NIPSNAP3A: variants seen among roughly 807,000 people sequenced by gnomAD.
NIPSNAP3A encodes nipsnap homolog 3A.
In NIPSNAP3A, 27 loss-of-function variants were observed where a neutral mutation model predicts 32.3. The observed-to-expected ratio is 0.84, with a 90% CI of 0.62 to 1.15. NIPSNAP3A has a LOEUF of 1.15. NIPSNAP3A is among the 50% of genes most tolerant of loss of function. The pLI, the probability that NIPSNAP3A is intolerant of heterozygous loss-of-function variation, is 0.00. For synonymous variants in NIPSNAP3A, 108 were observed against 107.3 expected (o/e 1.01, Z -0.04); for missense variants, 278 against 297.2 (o/e 0.94, Z 0.48).
chr9:104,756,197 C>T (rs893988018), intron 4 of NIPSNAP3A, among the ~76,000 whole-genome samples: 15 of 151,732 alleles, frequency 9.9e-5, no homozygotes, highest in Middle Eastern at 3.4e-3. Context: ...ACACCATATG[C>T]GAAAATAAAG....
intron 4 of NIPSNAP3A, 24 bp downstream of exon 4, chr9:104,754,724 TA>T: frequency 1.3e-6 from 2 of 1,594,608 alleles, no homozygotes; most frequent in Non-Finnish European, 1.7e-6. Context: ...TTTCTTCTTA[TA>T]TGAAATTGTA....
chr9:104,756,605 T>G lies in NIPSNAP3A; in HGVS notation c.580+1905T>G, dbSNP rs545417134. On this transcript the variant is annotated intron_variant, in intron 4 of 5. Transcript: ENST00000374767. ...TAAGTACTCAGATACTGTGTAGGGTTCATATTAGCTTAATCTTCCCCCAAA... is the reference window on the plus strand; with the variant it reads ...TAAGTACTCAGATACTGTGTAGGGTGCATATTAGCTTAATCTTCCCCCAAA... 5.3e-5 allele frequency among the ~76,000 whole-genome samples: 8 copies of G among 152,066 alleles called. No homozygotes were observed. In the South Asian group the frequency reaches 1.7e-3, roughly 32 times the overall value.
At position 104,754,603 on chromosome 9, in the gene NIPSNAP3A, G is replaced by A. The variant is rs1827884145; in HGVS notation, c.483G>A (p.Trp161Ter). The A allele has an allele frequency of 1.9e-6, 3 of 1,613,920 alleles. No individual in the cohort carries two copies. The highest frequency in any genetic ancestry group is 1.7e-5 in the Admixed American group (1 of 59,998). Residue 161 changes from tryptophan to a stop codon, truncating the protein, a stop_gained, in exon 4 of 6, where the codon TGG becomes TGA. Transcript: ENST00000374767. LOFTEE classifies it high-confidence loss of function. ...FQMKPGGPAL[W>*]GDAFKRAVHA... ...TGAAACCTGGTGGGCCAGCTCTGTG[G>A]GGTGATGCATTTAAAAGGGCAGTTC... is the stretch of plus-strand genomic sequence containing the variant.
At chr9:104,752,107 A>T (rs895965567) in intron 2 of NIPSNAP3A, among the ~76,000 whole-genome samples, 1 of 152,286 alleles carries the variant, frequency 6.6e-6, no homozygotes, top group South Asian at 2.1e-4. Flanking sequence ...ATTCTTCCTT[A>T]TCCCAATGTA....
In NIPSNAP3A at chr9:104,747,699, T is replaced by G; in HGVS notation, c.-94T>G. On this transcript the variant is annotated 5_prime_UTR_variant, in exon 1 of 6. An upstream start codon of the reference 5' UTR is lost. Coordinates refer to ENST00000374767, the MANE Select transcript of NIPSNAP3A (RefSeq NM_015469.3). ...CCCCGCCCCAGCCTGCGTCTGCCAA[T>G]GATCCAGGAGCCGCTCCTTTCCACT... 1.5e-6 allele frequency: 2 copies of G among 1,325,170 alleles called. No individual in the cohort carries two copies. Among genetic ancestry groups the G allele is most frequent in the Non-Finnish European group, 2.1e-6 (2 of 944,564 alleles). The allele number at this position is 1,325,170 out of a possible 1,614,324, so 82.1% of individuals were successfully genotyped here. A position where few individuals can be genotyped will look rare whatever the true frequency, so the allele number is the denominator to read the frequency against.
At chr9:104,755,203 C>T (rs184919018) in intron 4 of NIPSNAP3A, among the ~76,000 whole-genome samples, 5 of 150,850 alleles carry the variant, frequency 3.3e-5, no homozygotes, top group East Asian at 3.9e-4. Flanking sequence ...ATCGTGCCAT[C>T]GCACTCCAGC....
At chr9:104,758,953 A>T in intron 4 of NIPSNAP3A, 132 bp from the exon 5 acceptor site, 2 of 1,008,204 alleles carry the variant, frequency 2.0e-6, no homozygotes, top group South Asian at 1.5e-5. Context: ...CTAGGTGACA[A>T]GAGTGAAACT....
Position 104,759,286 on chromosome 9 carries a change from TA to T in NIPSNAP3A, c.693del (p.Ser232LeufsTer7), listed in dbSNP as rs1564053770. ...AAVRESVNYL[V>X]SQQNMLLIPT... The stretch of plus-strand genomic sequence containing the variant: ...GTTCGGGAAAGTGTCAACTACCTAG[TA>T]TCTCAGCAGAATATGCTTCTGATTC... On this transcript the variant is annotated frameshift_variant, in exon 6 of 6. Coordinates refer to ENST00000374767, the MANE Select transcript of NIPSNAP3A (RefSeq NM_015469.3). LOFTEE classifies it high-confidence loss of function. 1 of 1,614,158 alleles carries T rather than the reference TA, an allele frequency of 6.2e-7. No homozygotes were observed. Among genetic ancestry groups the T allele is most frequent in the Non-Finnish European group, 8.5e-7 (1 of 1,180,026 alleles).
At chr9:104,758,914 G>C (rs1232563518) in intron 4 of NIPSNAP3A, among the ~76,000 whole-genome samples, 171 bp from the exon 5 acceptor site, 1 of 141,294 alleles carries the variant, frequency 7.1e-6, no homozygotes, top group Non-Finnish European at 1.5e-5. Context: ...ATGTTGCAGT[G>C]AGCCGAGATC....
In NIPSNAP3A at chr9:104,753,033, A is replaced by G; in HGVS notation, c.399A>G (p.Pro133=). 1.1e-5 allele frequency: 17 copies of G among 1,613,622 alleles called. No individual in the cohort carries two copies. The highest frequency in any genetic ancestry group is 2.2e-5 in the East Asian group (1 of 44,850). The change falls in exon 3 of 6, where the codon CCA becomes CCG. Residue 133 remains proline (P), a synonymous_variant. Coordinates refer to ENST00000374767, the MANE Select transcript of NIPSNAP3A (RefSeq NM_015469.3). ...AGAGTGAGATTACTTATCTGGTACC[A>G]TGGTGCAAATTAGAAAAACCTCCAA... ...KQESEITYLV[P]WCKLEKPPKE... is the part of the protein sequence containing the mutation.
chr9:104,747,830 C>A lies in NIPSNAP3A; in HGVS notation c.38C>A (p.Ala13Asp). Residue 13 changes from alanine (A) to aspartate (D), a missense_variant, in exon 1 of 6, where the codon GCC (alanine) becomes GAC (aspartate). Coordinates refer to ENST00000374767, the MANE Select transcript of NIPSNAP3A (RefSeq NM_015469.3). ...AGAAGCGCCCTGACTCGGGCGCTGG[C>A]CTCACGGACGCTGGCGCCTCAGGTA... is the stretch of plus-strand genomic sequence containing the variant. ...VLRSALTRAL[A>D]SRTLAPQMCS... 1.2e-6 allele frequency: 2 copies of A among 1,608,776 alleles called. No homozygotes were observed. The highest frequency in any genetic ancestry group is 1.7e-6 in the Non-Finnish European group (2 of 1,178,980).
intron 4 of NIPSNAP3A, 122 bp downstream of exon 4, chr9:104,754,822 T>C: frequency 1.3e-6 from 1 of 763,698 alleles, no homozygotes; most frequent in Middle Eastern, 3.7e-4. Flanking sequence ...GTTTAGTTTT[T>C]TGTAATTTTT....
chr9:104,747,792 C>T lies in NIPSNAP3A; in HGVS notation c.-1C>T. The T allele has an allele frequency of 4.4e-6, 7 of 1,608,462 alleles. No homozygotes were observed. Among genetic ancestry groups the T allele is most frequent in the Non-Finnish European group, 5.9e-6 (7 of 1,178,732 alleles). ...GCTTTTCTCAGCGCCGAAGCCGCGC[C>T]ATGCTCGTCCTCAGAAGCGCCCTGA... On this transcript the variant is annotated 5_prime_UTR_variant, in exon 1 of 6. Transcript: ENST00000374767.
chr9:104,748,370 G>A (rs1417244416), intron 1 of NIPSNAP3A, among the ~76,000 whole-genome samples: 1 of 152,080 alleles, frequency 6.6e-6, no homozygotes. Context: ...AGCATTTCGC[G>A]GAGACCCTTG....
Position 104,751,000 on chromosome 9 carries a change from A to G in NIPSNAP3A, c.105A>G (p.Ile35Met), listed in dbSNP as rs1358886046. Residue 35 changes from isoleucine to methionine, a missense_variant, in exon 2 of 6, where the codon ATA (isoleucine) becomes ATG (methionine). Coordinates refer to ENST00000374767, the MANE Select transcript of NIPSNAP3A (RefSeq NM_015469.3). ...FATGPRQYDG[I>M]FYEFRSYYLK... ...CGGGACCCAGACAATACGATGGAAT[A>G]TTCTATGAATTTCGTTCTTATTACC... The G allele has an allele frequency of 6.8e-6, 11 of 1,614,024 alleles. No homozygotes were observed. Among genetic ancestry groups the G allele is most frequent in the Non-Finnish European group, 7.6e-6 (9 of 1,179,910 alleles).
chr9:104,754,817 G>C, intron 4 of NIPSNAP3A, 117 bp downstream of exon 4: 1 of 782,576 alleles, frequency 1.3e-6, no homozygotes, highest in South Asian at 1.8e-5. Context: ...CAAATGTTTA[G>C]TTTTTTGTAA....
intron 2 of NIPSNAP3A, among the ~76,000 whole-genome samples, chr9:104,752,525 C>T (rs551633367): frequency 9.6e-4 from 146 of 152,238 alleles, no homozygotes; most frequent in African/African-American, 3.1e-3. Flanking sequence ...TAGTGCCAAC[C>T]GCTATATTCT....
At chr9:104,752,163 G>C (rs1827854415) in intron 2 of NIPSNAP3A, among the ~76,000 whole-genome samples, 1 of 152,052 alleles carries the variant, frequency 6.6e-6, no homozygotes, top group Non-Finnish European at 1.5e-5. Context: ...GGTCCTAATG[G>C]TAATTATAGT....
intron 3 of NIPSNAP3A, 112 bp downstream of exon 3, chr9:104,753,176 A>T (rs1264112288): frequency 1.2e-6 from 1 of 866,622 alleles, no homozygotes; most frequent in Non-Finnish European, 1.9e-6. Flanking sequence ...TTTGTTTTAT[A>T]TAGAAACATA....
Sources: allele counts gnomAD v4.1 joint callset (sites outside exome capture counted in the v4.1 genomes callset), GRCh38; gene constraint gnomAD v4.1.1; transcripts MANE v1.5; gene names NCBI Gene and HGNC (gene_info 2026-07-23, HGNC 2026-07-21).